ASCC3: variants seen among roughly 807,000 people sequenced by gnomAD.
ASCC3 encodes ASC-1 complex subunit P200.
ASCC3 carries 158 observed loss-of-function variants against 256.3 expected under a neutral mutation model. The ratio of observed to expected loss-of-function variants is 0.62; its 90% CI spans 0.54 to 0.70. The LOEUF (loss-of-function observed/expected upper bound fraction) is 0.70. Ranked by LOEUF, ASCC3 falls within the 30% of genes least tolerant of loss-of-function variation. The probability of loss-of-function intolerance (pLI) is 0.00; values close to 1 mark genes in which losing one functional copy is unlikely to be tolerated. For missense variants in ASCC3, 2,259 were observed against 2,626.0 expected, an observed-to-expected ratio of 0.86 and a Z score of 3.05; for synonymous variants, 948 against 883.4, an observed-to-expected ratio of 1.07 and a Z score of -1.30.
intron 30 of ASCC3, among the ~76,000 whole-genome samples, chr6:100,609,483 CAT>C (rs1192379046): frequency 2.0e-5 from 3 of 150,798 alleles, no homozygotes; most frequent in African/African-American, 4.9e-5. Flanking sequence ...TTTTGAAACT[CAT>C]GTTGTAGAAA....
intron 4 of ASCC3, among the ~76,000 whole-genome samples, chr6:100,833,332 AC>A (rs1474842588): frequency 1.3e-5 from 2 of 152,278 alleles, no homozygotes; most frequent in Middle Eastern, 3.4e-3. Context: ...AGCACAAAGG[AC>A]TTTTTAGGGT....
At chr6:100,809,277 AG>A in intron 4 of ASCC3, among the ~76,000 whole-genome samples, 1 of 152,174 alleles carries the variant, frequency 6.6e-6, no homozygotes, top group South Asian at 2.1e-4. Flanking sequence ...AACAATACCT[AG>A]CTTAAAACAC....
intron 4 of ASCC3, among the ~76,000 whole-genome samples, chr6:100,835,013 G>A (rs1371167487): frequency 6.6e-6 from 1 of 151,572 alleles, no homozygotes; most frequent in East Asian, 1.9e-4. Flanking sequence ...ATCTGGCTGA[G>A]TTTCTAGGCA....
At chr6:100,634,996 TC>T (rs1313339738) in intron 25 of ASCC3, among the ~76,000 whole-genome samples, 2 of 151,592 alleles carry the variant, frequency 1.3e-5, no homozygotes, top group Admixed American at 6.6e-5. Context: ...TGGAAGACAA[TC>T]TGGAATTTCT....
intron 10 of ASCC3, among the ~76,000 whole-genome samples, chr6:100,756,508 T>C (rs1190745030): frequency 1.3e-5 from 2 of 152,142 alleles, no homozygotes; most frequent in African/African-American, 4.8e-5. Context: ...ATAATAAAAT[T>C]GTAACCTTCA....
intron 24 of ASCC3, among the ~76,000 whole-genome samples, chr6:100,639,870 T>C (rs1300377290): frequency 3.9e-5 from 6 of 152,136 alleles, no homozygotes; most frequent in Admixed American, 3.9e-4. Context: ...ATCCTAGCAC[T>C]TTGGGAGGCC....
intron 37 of ASCC3, among the ~76,000 whole-genome samples, chr6:100,525,224 T>C (rs981981009): frequency 2.9e-5 from 4 of 139,080 alleles, no homozygotes; most frequent in African/African-American, 8.0e-5. Flanking sequence ...AATAAGATCA[T>C]GACAAAGGTT....
At chr6:100,849,783 A>G (rs1406527492) in intron 3 of ASCC3, among the ~76,000 whole-genome samples, 2 of 152,130 alleles carry the variant, frequency 1.3e-5, no homozygotes, top group Admixed American at 1.3e-4. Flanking sequence ...GTTAAAGTTA[A>G]TAATGTAATG....
chr6:100,657,986 C>A (rs239230), intron 16 of ASCC3, among the ~76,000 whole-genome samples: 85,174 of 151,048 alleles, frequency 0.56, 24,209 homozygotes, highest in East Asian at 0.72. Context: ...AAATTTATTC[C>A]CTCATCTCAA....
At chr6:100,808,173 AT>A (rs1481167555) in intron 4 of ASCC3, among the ~76,000 whole-genome samples, 1 of 151,920 alleles carries the variant, frequency 6.6e-6, no homozygotes, top group Non-Finnish European at 1.5e-5. Context: ...TAATGAATGA[AT>A]TCTTTTTCTA....
chr6:100,560,756 C>T (rs1014504503), intron 36 of ASCC3, among the ~76,000 whole-genome samples: 2 of 141,010 alleles, frequency 1.4e-5, no homozygotes, highest in South Asian at 2.1e-4. Context: ...GGAACACACA[C>T]ACACACACAC....
At chr6:100,540,441 ACTT>A in intron 36 of ASCC3, 54 bp from the exon 37 acceptor site, 1 of 1,402,798 alleles carries the variant, frequency 7.1e-7, no homozygotes, top group Non-Finnish European at 9.9e-7. Context: ...TAATTAATGT[ACTT>A]CTTAGCTTTA....
chr6:100,614,547 C>T lies in ASCC3; in HGVS notation c.4786-7459G>A, dbSNP rs117401990. On this transcript the variant is annotated intron_variant, in intron 30 of 41. Transcript: ENST00000369162. ...CTCTTTCATAACTGAAGAGATGGCG[C>T]GCAGAGATTAATCCTACCAAGGCCA... 9.0e-3 allele frequency among the ~76,000 whole-genome samples: 1,371 copies of T among 152,194 alleles called. 7 individuals are homozygous for T. The highest frequency in any genetic ancestry group is 0.015 in the Non-Finnish European group (1,006 of 68,012).
chr6:100,702,117 G>A, intron 13 of ASCC3, among the ~76,000 whole-genome samples: 1 of 152,266 alleles, frequency 6.6e-6, no homozygotes, highest in Non-Finnish European at 1.5e-5. Flanking sequence ...CAATAAGAGG[G>A]ACAGAATGAA....
intron 10 of ASCC3, among the ~76,000 whole-genome samples, chr6:100,742,655 G>A (rs1780492715): frequency 6.6e-6 from 1 of 152,210 alleles, no homozygotes; most frequent in Admixed American, 6.5e-5. Context: ...CCATGGTCTG[G>A]AAAAGCAGCT....
At chr6:100,703,221 C>T (rs114691159) in intron 13 of ASCC3, among the ~76,000 whole-genome samples, 2,694 of 151,990 alleles carry the variant, frequency 0.018, 76 homozygotes, top group African/African-American at 0.061. Flanking sequence ...AATTTAAAAA[C>T]GTAAGAGGAC....
intron 4 of ASCC3, among the ~76,000 whole-genome samples, chr6:100,811,252 T>C (rs2114385600): frequency 6.6e-6 from 1 of 152,276 alleles, no homozygotes; most frequent in South Asian, 2.1e-4. Flanking sequence ...TATTAATTTT[T>C]ATAAATGTTA....
intron 4 of ASCC3, among the ~76,000 whole-genome samples, chr6:100,833,504 A>G (rs929457240): frequency 6.6e-5 from 10 of 152,232 alleles, no homozygotes; most frequent in Non-Finnish European, 2.9e-5. Flanking sequence ...CTTATCAATC[A>G]TAACAAATGT....
intron 13 of ASCC3, among the ~76,000 whole-genome samples, chr6:100,713,180 T>A (rs962309319): frequency 1.3e-5 from 2 of 152,204 alleles, no homozygotes; most frequent in African/African-American, 4.8e-5. Context: ...CAATATGTCC[T>A]TTGGCAGGTG....
Sources: gnomAD v4.1 joint callset for allele counts (sites outside exome capture counted in the v4.1 genomes callset) on GRCh38, gnomAD v4.1.1 for gene constraint, MANE v1.5 for transcripts, NCBI Gene and HGNC (gene_info 2026-07-23, HGNC 2026-07-21) for gene names.